The following SIL1 variants were observed in gnomAD, a reference collection of about 807,000 sequenced individuals.
SIL1 encodes nucleotide exchange factor SIL1.
Under a neutral mutation model 49.1 loss-of-function variants are expected in SIL1, and 40 were observed. The ratio of observed to expected loss-of-function variants is 0.81; its 90% CI spans 0.63 to 1.06. The LOEUF (loss-of-function observed/expected upper bound fraction) is 1.06. SIL1 is among the 50% of genes least tolerant of loss of function. SIL1 has a pLI of 0.00. For synonymous variants in SIL1, 253 were observed against 250.8 expected, an observed-to-expected ratio of 1.01 and a Z score of -0.08; for missense variants, 500 against 572.6, an observed-to-expected ratio of 0.87 and a Z score of 1.29.
intron 7 of SIL1, among the ~76,000 whole-genome samples, chr5:138,998,852 CTTTTTTTTTT>C (rs35074969): frequency 4.0e-5 from 4 of 98,806 alleles, no homozygotes; most frequent in Admixed American, 1.1e-4. Flanking sequence ...ATTATCTTTC[CTTTTTTTTTT>C]TTTTTTTTTT....
At chr5:139,102,377 G>A (rs1032164675) in intron 3 of SIL1, among the ~76,000 whole-genome samples, 1 of 151,964 alleles carries the variant, frequency 6.6e-6, no homozygotes, top group Non-Finnish European at 1.5e-5. Flanking sequence ...TTTTACATCT[G>A]CACAGTGGGA....
intron 7 of SIL1, among the ~76,000 whole-genome samples, chr5:139,003,227 C>A (rs1399992865): frequency 6.6e-6 from 1 of 152,146 alleles, no homozygotes; most frequent in African/African-American, 2.4e-5. Flanking sequence ...CTCCCACCCC[C>A]CAACTCCCAA....
chr5:139,038,549 G>T (rs1210290235), intron 5 of SIL1, among the ~76,000 whole-genome samples: 1 of 152,174 alleles, frequency 6.6e-6, no homozygotes, highest in African/African-American at 2.4e-5. Flanking sequence ...TCAGTTTCTT[G>T]TATGGGTCAC....
intron 1 of SIL1, among the ~76,000 whole-genome samples, chr5:139,193,828 G>A (rs1365763798): frequency 6.6e-6 from 1 of 152,140 alleles, no homozygotes; most frequent in African/African-American, 2.4e-5. Context: ...CTGGCATGGT[G>A]GTCCACTCTT....
At chr5:139,077,342 T>C (rs1400639322) in intron 3 of SIL1, among the ~76,000 whole-genome samples, 1 of 152,172 alleles carries the variant, frequency 6.6e-6, no homozygotes, top group Non-Finnish European at 1.5e-5. Flanking sequence ...ACTTCCAAAC[T>C]ACAAAAAGAA....
At chr5:139,107,343 T>G (rs540768415) in intron 3 of SIL1, among the ~76,000 whole-genome samples, 1 of 152,226 alleles carries the variant, frequency 6.6e-6, no homozygotes, top group East Asian at 1.9e-4. Flanking sequence ...TAGACATTAT[T>G]CTATTTTAGC....
chr5:138,980,274 G>A (rs1442593353), intron 7 of SIL1, among the ~76,000 whole-genome samples: 1 of 152,210 alleles, frequency 6.6e-6, no homozygotes, highest in East Asian at 1.9e-4. Flanking sequence ...GAATGTCCAT[G>A]CCAGGGTGCT....
intron 7 of SIL1, among the ~76,000 whole-genome samples, chr5:138,965,848 G>A (rs1264626193): frequency 6.6e-6 from 1 of 151,546 alleles, no homozygotes; most frequent in African/African-American, 2.4e-5. Context: ...CCAGGTTCCG[G>A]GACCATGAGA....
At chr5:139,071,514 CTG>C (rs1769833982) in intron 3 of SIL1, among the ~76,000 whole-genome samples, 1 of 152,050 alleles carries the variant, frequency 6.6e-6, no homozygotes, top group Non-Finnish European at 1.5e-5. Context: ...TTTTCTATAT[CTG>C]TGTTTAACTT....
chr5:139,108,920 A>AGT (rs1458460563), intron 3 of SIL1, among the ~76,000 whole-genome samples: 2 of 148,800 alleles, frequency 1.3e-5, no homozygotes, highest in African/African-American at 5.0e-5. Context: ...AAAAAAAAAG[A>AGT]GTATTGTGTT....
At chr5:139,153,512 G>A (rs1023869037) in intron 1 of SIL1, among the ~76,000 whole-genome samples, 1 of 152,148 alleles carries the variant, frequency 6.6e-6, no homozygotes, top group Admixed American at 6.5e-5. Flanking sequence ...GTCTCTGTTA[G>A]ACTCACTTCT....
intron 1 of SIL1, among the ~76,000 whole-genome samples, chr5:139,164,746 T>G (rs1284271502): frequency 6.6e-6 from 1 of 152,022 alleles, no homozygotes; most frequent in Admixed American, 6.5e-5. Context: ...AAGGAAGAGG[T>G]GGGAAGATGG....
chr5:138,965,271 G>A (rs1767112770), intron 7 of SIL1, among the ~76,000 whole-genome samples: 1 of 152,172 alleles, frequency 6.6e-6, no homozygotes, highest in African/African-American at 2.4e-5. Flanking sequence ...AGTCCTTTGT[G>A]GTAGGTTTGT....
intron 1 of SIL1, among the ~76,000 whole-genome samples, chr5:139,141,398 C>A (rs1751078410): frequency 6.6e-6 from 1 of 151,856 alleles, no homozygotes; most frequent in Admixed American, 6.6e-5. Flanking sequence ...GTAATCCCAG[C>A]ACTTTGGGAG....
intron 1 of SIL1, among the ~76,000 whole-genome samples, chr5:139,151,352 C>T (rs1751296275): frequency 6.6e-6 from 1 of 152,196 alleles, no homozygotes; most frequent in South Asian, 2.1e-4. Flanking sequence ...TGGGAACACA[C>T]AGGCATGCAT....
intron 3 of SIL1, among the ~76,000 whole-genome samples, chr5:139,052,225 C>T (rs895429615): frequency 2.0e-5 from 3 of 151,894 alleles, no homozygotes; most frequent in Non-Finnish European, 4.4e-5. Flanking sequence ...TTCCACCAGT[C>T]ACTCTATCCC....
intron 1 of SIL1, among the ~76,000 whole-genome samples, chr5:139,135,508 G>A (rs1355093317): frequency 1.3e-5 from 2 of 152,152 alleles, no homozygotes; most frequent in African/African-American, 4.8e-5. Flanking sequence ...AGAGGGCACA[G>A]GGAGCCAAGA....
At chr5:139,018,248 T>TA (rs1054756951) in intron 7 of SIL1, among the ~76,000 whole-genome samples, 7 of 152,230 alleles carry the variant, frequency 4.6e-5, no homozygotes, top group Non-Finnish European at 5.9e-5. Context: ...ATCAAAACCT[T>TA]ATTAAGCAAT....
intron 7 of SIL1, among the ~76,000 whole-genome samples, chr5:138,984,587 G>C (rs1250560315): frequency 6.6e-6 from 1 of 151,992 alleles, no homozygotes; most frequent in African/African-American, 2.4e-5. Context: ...TCAAACTCCT[G>C]ACCTCAGGTG....
Sources: allele counts gnomAD v4.1 joint callset (sites outside exome capture counted in the v4.1 genomes callset), GRCh38; gene constraint gnomAD v4.1.1; transcripts MANE v1.5; gene names NCBI Gene and HGNC (gene_info 2026-07-23, HGNC 2026-07-21).